Variants in ZNF536 observed in about 807,000 individuals in gnomAD.
ZNF536 encodes the protein zinc finger protein 536.
Under a neutral mutation model 84.5 loss-of-function variants are expected in ZNF536, and 13 were observed. The ratio of observed to expected loss-of-function variants is 0.15; its 90% confidence interval spans 0.10 to 0.24. ZNF536 has a LOEUF of 0.24. ZNF536 is among the 10% of genes least tolerant of loss of function. The pLI is 1.00. For synonymous variants in ZNF536, 811 were observed against 742.5 expected (o/e 1.09, Z -1.50); for missense variants, 1,536 against 1,747.5 (o/e 0.88, Z 2.16).
chr19:30,698,425 T>G (rs1399184172), intron 1 of ZNF536, among the ~76,000 whole-genome samples: 1 of 152,240 alleles, frequency 6.6e-6, no homozygotes, highest in Admixed American at 6.5e-5. Flanking sequence ...TGACACATTA[T>G]TTTTAAATAA....
chr19:30,596,890 G>T (rs1025881265), intron 1 of ZNF536, among the ~76,000 whole-genome samples: 1 of 151,640 alleles, frequency 6.6e-6, no homozygotes, highest in Non-Finnish European at 1.5e-5. Context: ...TGCGAAAGGA[G>T]GCTCTCTTAT....
chr19:30,228,705 CG>C lies in ZNF536; in HGVS notation c.-190+36del, dbSNP rs2022770448. 1 of 151,352 alleles carries C rather than the reference CG, an allele frequency of 6.6e-6. No individual in the cohort carries two copies. Among genetic ancestry groups the C allele is most frequent in the African/African-American group, 2.4e-5 (1 of 41,318 alleles). The allele number at this position is 151,352 out of a possible 1,614,324, so 9.4% of individuals were successfully genotyped here. ...GCCCTGCGGTGGCCTCGGCGCGCCC[CG>C]GGGTGAGCGCGCAAAGCCGGGAGCG... On this transcript the variant is annotated intron_variant, in intron 1 of 5. Transcript: ENST00000585628. This position sits in a 1 kb window ranked among gnomAD's most constrained non-coding sequence, Gnocchi z 4.5.
intron 2 of ZNF536, among the ~76,000 whole-genome samples, chr19:30,493,954 C>T (rs1286208986): frequency 6.6e-6 from 1 of 152,132 alleles, no homozygotes; most frequent in Non-Finnish European, 1.5e-5. Flanking sequence ...TGCACAGATA[C>T]AAGGCAGCAG....
chr19:30,651,033 A>G (rs551919035), intron 1 of ZNF536, among the ~76,000 whole-genome samples: 54 of 152,328 alleles, frequency 3.5e-4, no homozygotes, highest in South Asian at 1.9e-3. Flanking sequence ...CTGGCCTCCA[A>G]CTCAGAGCTT....
intron 4 of ZNF536, among the ~76,000 whole-genome samples, chr19:30,553,428 AC>A (rs2045854144): frequency 6.6e-6 from 1 of 152,170 alleles, no homozygotes; most frequent in Non-Finnish European, 1.5e-5. Context: ...CAACCAGATC[AC>A]CCTTACTCCT....
rs2146220387 is a variant in ZNF536 at position 30,548,825 on chromosome 19, T to C, written c.3206T>C (p.Ile1069Thr). The change falls in exon 4 of 5, where the codon ATC (isoleucine) becomes ACC (threonine). Residue 1069 changes from isoleucine (I) to threonine (T), a missense_variant. This residue lies in a region of ZNF536 where 624 missense variants were observed against 603.1 expected (regional missense o/e 1.03). Transcript: ENST00000355537. ...AAAGACCTGGGCCTCTCCAATATGA[T>C]CAGCTCTCTAGACTCTGCTTCTGAG... ...SNKDLGLSNM[I>T]SSLDSASEKM... The C allele has an allele frequency of 6.2e-7, 1 of 1,614,020 alleles. No homozygotes were observed. The highest frequency in any genetic ancestry group is 8.5e-7 in the Non-Finnish European group (1 of 1,180,020).
intron 1 of ZNF536, among the ~76,000 whole-genome samples, chr19:30,257,886 T>TGAAGG (rs2024994442): frequency 6.6e-6 from 1 of 152,218 alleles, no homozygotes; most frequent in Non-Finnish European, 1.5e-5. Flanking sequence ...AACACTGAAG[T>TGAAGG]TAAGTGAAGG....
At chr19:30,658,368 G>T (rs2049996282) in intron 1 of ZNF536, among the ~76,000 whole-genome samples, 1 of 152,072 alleles carries the variant, frequency 6.6e-6, no homozygotes, top group Admixed American at 6.6e-5. Flanking sequence ...CAGCCACAAT[G>T]CCCAGAGTGA....
intron 1 of ZNF536, among the ~76,000 whole-genome samples, chr19:30,384,136 C>CG (rs1489975928): frequency 1.7e-5 from 1 of 59,456 alleles, no homozygotes; most frequent in African/African-American, 5.8e-5. Flanking sequence ...TTCTTTCTTT[C>CG]TTTCTTTCTT....
intron 2 of ZNF536, among the ~76,000 whole-genome samples, chr19:30,532,117 C>A (rs941542360): frequency 6.7e-6 from 1 of 150,256 alleles, no homozygotes; most frequent in Non-Finnish European, 1.5e-5. Context: ...GCAGGAATTA[C>A]CCTTCTTTTT....
At chr19:30,685,506 G>A (rs533720975) in intron 1 of ZNF536, among the ~76,000 whole-genome samples, 5 of 152,196 alleles carry the variant, frequency 3.3e-5, no homozygotes, top group Admixed American at 1.3e-4. Flanking sequence ...CAGGGCCCAT[G>A]GAACCCAGGG....
rs781359430 is a variant in ZNF536, at chr19:30,444,379, G to A, written c.817G>A (p.Gly273Ser). ...GGAGGACGCGGTGGCCCCGGCGGCG[G>A]GCTTCCGCTGTACCTTCTGCAAGGG... ...VQEDAVAPAAGFRCTFCKGKF... is the reference protein window; with the variant it reads ...VQEDAVAPAASFRCTFCKGKF... Residue 273 changes from glycine to serine, a missense_variant, in exon 2 of 5, where the codon GGC (glycine) becomes AGC (serine). By Grantham distance (56) the Gly-to-Ser change is moderately conservative (BLOSUM62 0). This residue lies in a region of ZNF536 where 138 missense variants were observed against 136.8 expected (regional missense o/e 1.01). Transcript: ENST00000355537. 1.9e-6 allele frequency: 3 copies of A among 1,604,830 alleles called. No homozygotes were observed. Among genetic ancestry groups the A allele is most frequent in the Middle Eastern group, 1.7e-4 (1 of 6,058 alleles).
intron 2 of ZNF536, among the ~76,000 whole-genome samples, chr19:30,463,151 T>C (rs1313894035): frequency 2.0e-5 from 3 of 152,074 alleles, no homozygotes; most frequent in Non-Finnish European, 4.4e-5. Context: ...GGATTGGGGG[T>C]GCATGTGTGT....
At chr19:30,297,086 T>G (rs1055291312) in intron 2 of ZNF536, among the ~76,000 whole-genome samples, 2 of 152,180 alleles carry the variant, frequency 1.3e-5, no homozygotes, top group Non-Finnish European at 2.9e-5. Context: ...CCCCTGTACC[T>G]AAAACATCTC....
intron 1 of ZNF536, among the ~76,000 whole-genome samples, chr19:30,391,891 G>A (rs1185338945): frequency 6.6e-6 from 1 of 152,074 alleles, no homozygotes; most frequent in Non-Finnish European, 1.5e-5. Context: ...CCTTGTAATT[G>A]TGCCCCAGGA....
intron 1 of ZNF536, among the ~76,000 whole-genome samples, chr19:30,687,995 A>T (rs1423876962): frequency 1.4e-5 from 2 of 144,972 alleles, no homozygotes. Context: ...AAAAAAGAGC[A>T]TAACAATGTG....
chr19:30,332,248 T>C (rs2047234793), intron 2 of ZNF536, among the ~76,000 whole-genome samples: 2 of 152,204 alleles, frequency 1.3e-5, no homozygotes, highest in South Asian at 4.1e-4. Context: ...AGGATCTTCC[T>C]CACTCTCCCT....
intron 1 of ZNF536, among the ~76,000 whole-genome samples, chr19:30,615,759 A>G (rs2147092107): frequency 6.6e-6 from 1 of 152,316 alleles, no homozygotes; most frequent in Middle Eastern, 3.4e-3. Context: ...TCTTACGTCT[A>G]AGAGCAAAAT....
intron 1 of ZNF536, among the ~76,000 whole-genome samples, chr19:30,238,575 A>T (rs192191034): frequency 6.6e-6 from 1 of 152,170 alleles, no homozygotes; most frequent in East Asian, 1.9e-4. Context: ...GCTAAAGATC[A>T]CAAGGAGGTC....
Sources: gnomAD v4.1 joint callset for allele counts (sites outside exome capture counted in the v4.1 genomes callset) on GRCh38, gnomAD v4.1.1 for gene constraint, gnomAD v4.1.1 regional missense constraint, Gnocchi (gnomAD v3.1) non-coding constraint, MANE v1.5 for transcripts, NCBI Gene and HGNC (gene_info 2026-07-23, HGNC 2026-07-21) for gene names.